WDFY4: variants seen among roughly 807,000 people sequenced by gnomAD.
The protein encoded by WDFY4 is WD repeat- and FYVE domain-containing protein 4.
In WDFY4, 169 loss-of-function variants were observed where a neutral mutation model predicts 351.9. That is an observed-to-expected ratio of 0.48 (90% CI 0.42 to 0.55). The LOEUF is 0.55. Among genes scored for constraint, WDFY4 ranks in the 20% least tolerant of loss-of-function variants. WDFY4 has a pLI of 0.00. For missense variants in WDFY4, 3,803 were observed against 3,935.6 expected (o/e 0.97, Z 0.90); for synonymous variants, 1,622 against 1,574.6 (o/e 1.03, Z -0.71).
At chr10:48,777,343 C>T (rs1409285873) in intron 16 of WDFY4, 76 bp from the exon 17 acceptor site, 5 of 1,358,898 alleles carry the variant, frequency 3.7e-6, no homozygotes, top group Non-Finnish European at 4.1e-6. Context: ...GGGAAGATGT[C>T]ATGGCCCAGA....
chr10:48,797,544 G>C (rs1053212410), intron 24 of WDFY4, among the ~76,000 whole-genome samples: 3 of 152,114 alleles, frequency 2.0e-5, no homozygotes, highest in African/African-American at 7.2e-5. Flanking sequence ...TATACTGTAG[G>C]TTATTTTGAG....
intron 47 of WDFY4, chr10:48,909,958 T>C (rs1392511607): frequency 4.3e-6 from 2 of 460,634 alleles, no homozygotes; most frequent in Middle Eastern, 5.8e-4. Context: ...TATTTAGTTG[T>C]CTATAATATA....
intron 39 of WDFY4, 48 bp from the exon 40 acceptor site, chr10:48,867,217 A>AAAATAAAATAAAATAAAATAAAATC (rs777622148): frequency 4.8e-6 from 4 of 835,582 alleles, no homozygotes; most frequent in African/African-American, 1.8e-5. Flanking sequence ...AAAATAAAAT[A>AAAATAAAATAAAATAAAATAAAATC]AAATCACAAC....
At chr10:48,742,039 C>T (rs1383072204) in intron 11 of WDFY4, among the ~76,000 whole-genome samples, 2 of 151,932 alleles carry the variant, frequency 1.3e-5, no homozygotes, top group African/African-American at 2.4e-5. Context: ...TTAAATGTAG[C>T]CCCCCCTCCC....
At chr10:48,890,062 C>CCTTCTGCA (rs2070628887) in intron 43 of WDFY4, among the ~76,000 whole-genome samples, 1 of 152,218 alleles carries the variant, frequency 6.6e-6, no homozygotes, top group South Asian at 2.1e-4. Flanking sequence ...GGGCAGAGCA[C>CCTTCTGCA]CGTGCATCTT....
chr10:48,733,706 G>A (rs555439198), intron 9 of WDFY4, among the ~76,000 whole-genome samples: 25 of 152,146 alleles, frequency 1.6e-4, no homozygotes, highest in African/African-American at 1.9e-4. Context: ...ATGGGGCTCC[G>A]GGTTTTAACA....
At chr10:48,692,304 A>T (rs1185112291) in intron 1 of WDFY4, among the ~76,000 whole-genome samples, 1 of 152,130 alleles carries the variant, frequency 6.6e-6, no homozygotes, top group African/African-American at 2.4e-5. Flanking sequence ...GGGCCAGGAC[A>T]CCTTTACCCT....
intron 13 of WDFY4, among the ~76,000 whole-genome samples, chr10:48,765,919 G>C (rs777162548): frequency 5.9e-5 from 9 of 152,208 alleles, no homozygotes; most frequent in Non-Finnish European, 1.2e-4. Context: ...ATTGGGTTCA[G>C]GGCTGCATGT....
chr10:48,687,480 T>A (rs1477133188), intron 1 of WDFY4, among the ~76,000 whole-genome samples: 1 of 152,212 alleles, frequency 6.6e-6, no homozygotes, highest in Admixed American at 6.5e-5. Context: ...TATTACTTTT[T>A]ACACTGAAGT....
intron 51 of WDFY4, among the ~76,000 whole-genome samples, chr10:48,953,302 G>GTCTCTCTCTCTCTC (rs140127650): frequency 7.9e-6 from 1 of 125,912 alleles, no homozygotes; most frequent in Non-Finnish European, 1.6e-5. Flanking sequence ...CATGAGATAT[G>GTCTCTCTCTCTCTC]TCTCTCTCTC....
Position 48,716,976 on chromosome 10 carries a change from G to A in WDFY4, c.235-3035G>A, listed in dbSNP as rs530800715. Reference sequence around the variant, plus strand: ...CTTGCAGGTGGCAGCTATAAGTTTCGTAGATGTGCGAATGCTACTTTGGGT... The same window carrying A: ...CTTGCAGGTGGCAGCTATAAGTTTCATAGATGTGCGAATGCTACTTTGGGT... On this transcript the variant is annotated intron_variant, in intron 2 of 61. Transcript: ENST00000325239. Among the ~76,000 whole-genome samples, 13 of 152,338 alleles carry A rather than the reference G, an allele frequency of 8.5e-5. No individual in the cohort carries two copies. In the South Asian group the frequency reaches 2.5e-3, roughly 29 times the overall value.
rs188539451 is a variant in WDFY4, at chr10:48,724,210, G to A, written c.591+643G>A. Among the ~76,000 whole-genome samples the A allele has an allele frequency of 6.6e-5, 10 of 152,200 alleles. 1 individual carries two copies. Among genetic ancestry groups the A allele is most frequent in the East Asian group, 5.8e-4 (3 of 5,168 alleles). ...GACGGTATGGAGGATCGTGTGGCCC[G>A]GGAGGATACAGAGGACTGTGGGGCC... On this transcript the variant is annotated intron_variant, in intron 5 of 61. Transcript: ENST00000325239.
At position 48,929,152 on chromosome 10, in the gene WDFY4, G is replaced by T. The variant is rs559804318; in HGVS notation, c.7587-12654G>T. ...CAGAGGAAGTGAGGATTCAGGGAGA[G>T]AATTTCAGATGGAGGAAACATCAAG... On this transcript the variant is annotated intron_variant, in intron 47 of 61. Coordinates refer to ENST00000325239, the MANE Select transcript of WDFY4 (RefSeq NM_001394531.1). 5.3e-5 allele frequency among the ~76,000 whole-genome samples: 8 copies of T among 152,126 alleles called. No individual in the cohort carries two copies. The East Asian group carries it at 1.5e-3, about 29-fold the overall frequency.
intron 20 of WDFY4, among the ~76,000 whole-genome samples, chr10:48,787,915 C>T (rs1359922979): frequency 1.3e-4 from 7 of 53,918 alleles, no homozygotes; most frequent in African/African-American, 6.5e-4. Context: ...TCTTCTTCTT[C>T]TTCTTCTTCT....
At chr10:48,841,739 T>C (rs184975699) in intron 39 of WDFY4, among the ~76,000 whole-genome samples, 10 of 152,328 alleles carry the variant, frequency 6.6e-5, no homozygotes, top group African/African-American at 2.4e-4. Flanking sequence ...GATAAAATAT[T>C]ATAACTGGAA....
intron 32 of WDFY4, among the ~76,000 whole-genome samples, chr10:48,819,060 G>A (rs1413705678): frequency 1.3e-5 from 2 of 152,196 alleles, no homozygotes; most frequent in Admixed American, 6.5e-5. Context: ...GGCTCCAGCC[G>A]AGTGCCCCCG....
intron 12 of WDFY4, among the ~76,000 whole-genome samples, chr10:48,749,274 C>G (rs112428959): frequency 0.022 from 3,325 of 152,046 alleles, 121 homozygotes; most frequent in African/African-American, 0.076. Context: ...ATGAAACATG[C>G]ACCATACCAA....
intron 23 of WDFY4, among the ~76,000 whole-genome samples, chr10:48,795,379 C>G: frequency 6.6e-6 from 1 of 151,216 alleles, no homozygotes; most frequent in Admixed American, 6.6e-5. Flanking sequence ...GTCAGTTTGA[C>G]ATTTGACACT....
intron 41 of WDFY4, 54 bp downstream of exon 41, chr10:48,873,751 A>C: frequency 6.5e-7 from 1 of 1,530,086 alleles, no homozygotes. Context: ...CCTGATAGGA[A>C]AGCAGCTCCT....
Sources: gnomAD v4.1 joint callset for allele counts (sites outside exome capture counted in the v4.1 genomes callset) on GRCh38, gnomAD v4.1.1 for gene constraint, MANE v1.5 for transcripts, NCBI Gene and HGNC (gene_info 2026-07-23, HGNC 2026-07-21) for gene names.